Variants in TAFA1 observed in about 807,000 individuals in gnomAD.
TAFA1 encodes TAFA chemokine like family member 1.
A neutral mutation model predicts 18.5 loss-of-function variants in TAFA1; 4 were observed. That is an observed-to-expected ratio of 0.22 (90% confidence interval 0.11 to 0.49). The LOEUF is 0.49. Among genes scored for constraint, TAFA1 ranks in the 20% least tolerant of loss-of-function variants. TAFA1 has a pLI of 0.98. For synonymous variants in TAFA1, 56 were observed against 55.2 expected (o/e 1.01, Z -0.06); for missense variants, 147 against 169.0 (o/e 0.87, Z 0.72).
intron 2 of TAFA1, among the ~76,000 whole-genome samples, chr3:68,043,162 G>A (rs1371657819): frequency 6.6e-6 from 1 of 152,110 alleles, no homozygotes; most frequent in Non-Finnish European, 1.5e-5. Context: ...GTGAGCCACC[G>A]TGCCCAGCCT....
At chr3:68,263,067 G>A (rs565098992) in intron 2 of TAFA1, among the ~76,000 whole-genome samples, 1 of 152,178 alleles carries the variant, frequency 6.6e-6, no homozygotes, top group East Asian at 1.9e-4. Flanking sequence ...GGTTTTTAGA[G>A]TATTACTCAT....
intron 3 of TAFA1, among the ~76,000 whole-genome samples, chr3:68,532,263 G>T (rs2073198894): frequency 6.6e-6 from 1 of 152,180 alleles, no homozygotes; most frequent in South Asian, 2.1e-4. Flanking sequence ...TGGTGTCACT[G>T]GTTATGGGAA....
At chr3:68,132,401 G>A (rs1013516959) in intron 2 of TAFA1, among the ~76,000 whole-genome samples, 3 of 152,146 alleles carry the variant, frequency 2.0e-5, no homozygotes, top group Non-Finnish European at 2.9e-5. Flanking sequence ...CCAGTAATGG[G>A]ATTGCTGGGT....
intron 2 of TAFA1, among the ~76,000 whole-genome samples, chr3:68,125,629 A>G (rs1162305190): frequency 6.6e-6 from 1 of 152,172 alleles, no homozygotes; most frequent in Non-Finnish European, 1.5e-5. Flanking sequence ...AAGCCCTGGA[A>G]GCAGGCTTAA....
At chr3:68,259,569 G>C (rs1417989464) in intron 2 of TAFA1, among the ~76,000 whole-genome samples, 1 of 152,084 alleles carries the variant, frequency 6.6e-6, no homozygotes, top group African/African-American at 2.4e-5. Context: ...CTACCCATGA[G>C]CATGGAATGT....
At chr3:68,039,319 A>G (rs889402683) in intron 2 of TAFA1, among the ~76,000 whole-genome samples, 1 of 152,170 alleles carries the variant, frequency 6.6e-6, no homozygotes, top group African/African-American at 2.4e-5. Flanking sequence ...ATTATTATAG[A>G]ATAATACATG....
At chr3:68,147,305 G>A (rs2065753548) in intron 2 of TAFA1, among the ~76,000 whole-genome samples, 1 of 151,858 alleles carries the variant, frequency 6.6e-6, no homozygotes, top group Non-Finnish European at 1.5e-5. Flanking sequence ...TTATAGTTTA[G>A]AGCCAGCCAA....
At chr3:68,490,831 C>CTT (rs1230814242) in intron 3 of TAFA1, among the ~76,000 whole-genome samples, 4 of 119,932 alleles carry the variant, frequency 3.3e-5, no homozygotes, top group African/African-American at 8.5e-5. Flanking sequence ...ACAATTTTTT[C>CTT]TTTTTTTTCT....
rs1012996408 is a variant in TAFA1, at chr3:68,241,213, A to T, written c.119-176067A>T. 2.0e-5 allele frequency among the ~76,000 whole-genome samples: 3 copies of T among 152,202 alleles called. No individual in the cohort carries two copies. In the South Asian group the frequency reaches 6.2e-4, roughly 31 times the overall value. On this transcript the variant is annotated intron_variant, in intron 2 of 4. Transcript: ENST00000478136. ...AATTGCAAATAAGAATAATTATTTCATACTAAAAGTTTTGGTACTTGACCT... is the reference window on the plus strand; with the variant it reads ...AATTGCAAATAAGAATAATTATTTCTTACTAAAAGTTTTGGTACTTGACCT...
chr3:68,212,119 A>T (rs946348440), intron 2 of TAFA1, among the ~76,000 whole-genome samples: 2 of 151,944 alleles, frequency 1.3e-5, no homozygotes, highest in African/African-American at 2.4e-5. Flanking sequence ...AAGAGACAGC[A>T]TTTGACTCAA....
chr3:68,119,874 A>T (rs1243926169), intron 2 of TAFA1, among the ~76,000 whole-genome samples: 1 of 152,202 alleles, frequency 6.6e-6, no homozygotes, highest in African/African-American at 2.4e-5. Flanking sequence ...TACATACCCT[A>T]GTGTCTTGCA....
chr3:68,002,002 C>T (rs971104179), upstream of TAFA1, among the ~76,000 whole-genome samples: 1 of 152,120 alleles, frequency 6.6e-6, no homozygotes, highest in Non-Finnish European at 1.5e-5. Context: ...TCTAATGACA[C>T]CTCACTGGCT....
intron 2 of TAFA1, among the ~76,000 whole-genome samples, chr3:68,141,289 A>G (rs1381993479): frequency 1.3e-5 from 2 of 152,196 alleles, no homozygotes; most frequent in Non-Finnish European, 2.9e-5. Context: ...AATGAGATGT[A>G]TATACCTCAC....
At chr3:68,187,976 T>C (rs2066290683) in intron 2 of TAFA1, among the ~76,000 whole-genome samples, 1 of 151,998 alleles carries the variant, frequency 6.6e-6, no homozygotes, top group African/African-American at 2.4e-5. Flanking sequence ...AAAGTTTCTG[T>C]TTACATTTCT....
intron 3 of TAFA1, among the ~76,000 whole-genome samples, chr3:68,444,771 AATATATATATATATATAT>A (rs55684696): frequency 0.078 from 9,907 of 127,254 alleles, 462 homozygotes; most frequent in East Asian, 0.11. Flanking sequence ...GTTTCTACAA[AATATATATATATATATAT>A]ATATATATAT....
chr3:68,318,644 C>G (rs1418179856), intron 2 of TAFA1, among the ~76,000 whole-genome samples: 1 of 152,114 alleles, frequency 6.6e-6, no homozygotes, highest in East Asian at 1.9e-4. Flanking sequence ...GTTTAAATTA[C>G]TTTGTTTCCA....
chr3:68,079,864 T>C (rs1447846491), intron 2 of TAFA1, among the ~76,000 whole-genome samples: 2 of 152,122 alleles, frequency 1.3e-5, no homozygotes, highest in African/African-American at 4.8e-5. Context: ...TTCCTGGGTA[T>C]CCTTGTTGAC....
chr3:68,383,522 G>C (rs751218092), intron 2 of TAFA1, among the ~76,000 whole-genome samples: 1 of 152,044 alleles, frequency 6.6e-6, no homozygotes, highest in Non-Finnish European at 1.5e-5. Flanking sequence ...TGCATTCCAG[G>C]GGTGAAGCCT....
chr3:68,187,460 T>TA (rs2066284846), intron 2 of TAFA1, among the ~76,000 whole-genome samples: 1 of 152,058 alleles, frequency 6.6e-6, no homozygotes, highest in Admixed American at 6.6e-5. Flanking sequence ...GGTGGGCTGA[T>TA]ACACTCATTG....
Sources: gnomAD v4.1 joint callset for allele counts (sites outside exome capture counted in the v4.1 genomes callset) on GRCh38, gnomAD v4.1.1 for gene constraint, MANE v1.5 for transcripts, NCBI Gene and HGNC (gene_info 2026-07-23, HGNC 2026-07-21) for gene names.